The following FBXL17 variants were observed in gnomAD, a reference collection of about 807,000 sequenced individuals.
FBXL17 encodes F-box/LRR-repeat protein 17.
In FBXL17, 22 loss-of-function variants were observed where a neutral mutation model predicts 66.2. That is an observed-to-expected ratio of 0.33 (90% confidence interval 0.24 to 0.47). The LOEUF (loss-of-function observed/expected upper bound fraction) is 0.47, where lower values mean the gene tolerates loss of function less well. FBXL17 is among the 20% of genes least tolerant of loss of function. FBXL17 has a pLI of 1.00. For synonymous variants in FBXL17, 474 were observed against 400.5 expected (o/e 1.18, Z -2.19); for missense variants, 878 against 948.2 (o/e 0.93, Z 0.97).
intron 7 of FBXL17, among the ~76,000 whole-genome samples, chr5:107,906,880 A>G (rs1749780144): frequency 6.6e-6 from 1 of 152,206 alleles, no homozygotes; most frequent in African/African-American, 2.4e-5. Context: ...AGCTTATAAT[A>G]CTACTGTTAC....
intron 4 of FBXL17, among the ~76,000 whole-genome samples, chr5:108,340,450 CAAAAT>C (rs972585471): frequency 2.1e-5 from 3 of 145,316 alleles, no homozygotes; most frequent in African/African-American, 5.1e-5. Flanking sequence ...ACCACTTAAA[CAAAAT>C]AAAACCGATT....
At chr5:108,224,418 C>T (rs2150076600) in intron 4 of FBXL17, among the ~76,000 whole-genome samples, 190 bp from the exon 5 acceptor site, 1 of 151,984 alleles carries the variant, frequency 6.6e-6, no homozygotes, top group Non-Finnish European at 1.5e-5. Context: ...ACCCTACATC[C>T]ACTTCTTATC....
chr5:108,198,768 T>C (rs1753777320), intron 5 of FBXL17, among the ~76,000 whole-genome samples: 1 of 152,194 alleles, frequency 6.6e-6, no homozygotes. Flanking sequence ...CTGACTTCTG[T>C]AATTATACTC....
chr5:108,033,862 CTT>C (rs1329803624), intron 6 of FBXL17, among the ~76,000 whole-genome samples: 1 of 152,052 alleles, frequency 6.6e-6, no homozygotes, highest in Non-Finnish European at 1.5e-5. Context: ...CAATTCTACT[CTT>C]ATTATTTTTC....
intron 7 of FBXL17, among the ~76,000 whole-genome samples, chr5:108,002,496 T>G (rs1753772375): frequency 6.6e-6 from 1 of 152,148 alleles, no homozygotes; most frequent in African/African-American, 2.4e-5. Context: ...AGAAAAAACT[T>G]ATGATGCTTC....
chr5:108,220,637 A>C (rs1754821333), intron 5 of FBXL17, among the ~76,000 whole-genome samples: 1 of 152,086 alleles, frequency 6.6e-6, no homozygotes, highest in South Asian at 2.1e-4. Context: ...TTCATTGCAG[A>C]ATCTTCCTTT....
At chr5:108,295,009 T>C (rs1012854501) in intron 4 of FBXL17, among the ~76,000 whole-genome samples, 1 of 152,040 alleles carries the variant, frequency 6.6e-6, no homozygotes, top group Non-Finnish European at 1.5e-5. Flanking sequence ...ACAGTATTTA[T>C]ATTCCTAAAA....
intron 6 of FBXL17, among the ~76,000 whole-genome samples, chr5:108,041,828 C>T (rs545101283): frequency 1.1e-4 from 17 of 152,278 alleles, no homozygotes; most frequent in South Asian, 4.1e-4. Flanking sequence ...CACCATTATA[C>T]CTACCACCTA....
In FBXL17 at chr5:108,149,342, T is replaced by C. The variant is rs184837448; in HGVS notation, c.1745+36775A>G. ...AAACTACAATTTATCATTACATACA[T>C]TTAGAGAAATTATCTGTCATTTGAA... On this transcript the variant is annotated intron_variant, in intron 6 of 8. Transcript: ENST00000542267. Among the ~76,000 whole-genome samples, 6 of 152,364 alleles carry C rather than the reference T, an allele frequency of 3.9e-5. No individual in the cohort carries two copies. In the East Asian group the frequency reaches 1.2e-3, roughly 29 times the overall value.
At chr5:107,985,973 T>C (rs975648263) in intron 7 of FBXL17, among the ~76,000 whole-genome samples, 7 of 152,132 alleles carry the variant, frequency 4.6e-5, no homozygotes, top group African/African-American at 1.4e-4. Context: ...CTATTGTCAA[T>C]GTTTGAAAAA....
At chr5:108,007,665 T>G (rs568548298) in intron 7 of FBXL17, among the ~76,000 whole-genome samples, 221 of 152,300 alleles carry the variant, frequency 1.5e-3, no homozygotes, top group Middle Eastern at 6.8e-3. Context: ...GTATGTAGGC[T>G]ACTAAATATC....
chr5:107,914,345 T>C (rs751785095), intron 7 of FBXL17, among the ~76,000 whole-genome samples: 7 of 152,318 alleles, frequency 4.6e-5, no homozygotes, highest in African/African-American at 1.7e-4. Context: ...TTATGAGTTC[T>C]CTCTGCTGAA....
chr5:108,294,043 CAAAAAAAAA>C lies in FBXL17; in HGVS notation c.1506+54347_1506+54355del, dbSNP rs71624893. On this transcript the variant is annotated intron_variant, in intron 4 of 8. Transcript: ENST00000542267. ...GAGACAGAGCGAGACTCTTGTCTCACAAAAAAAAAAAAAAAAAAAAAAAGGAGAAGTAAT... is the reference window on the plus strand; with the variant it reads ...GAGACAGAGCGAGACTCTTGTCTCACAAAAAAAAAAAAAAGGAGAAGTAAT... Among the ~76,000 whole-genome samples, 11 of 51,126 alleles carry C rather than the reference CAAAAAAAAA, an allele frequency of 2.2e-4. No individual in the cohort carries two copies. The Admixed American group carries it at 3.5e-3, about 16-fold the overall frequency. The allele number at this position is 51,126 out of a possible 152,430, so 33.5% of individuals were successfully genotyped here.
intron 7 of FBXL17, among the ~76,000 whole-genome samples, chr5:107,967,680 TA>T (rs538448000): frequency 5.9e-4 from 85 of 143,032 alleles, no homozygotes; most frequent in Admixed American, 1.2e-3. Flanking sequence ...TAAAGTATAA[TA>T]AAAAAAAAAG....
intron 6 of FBXL17, among the ~76,000 whole-genome samples, chr5:108,076,168 C>T (rs1748538169): frequency 6.6e-6 from 1 of 152,094 alleles, no homozygotes; most frequent in Admixed American, 6.5e-5. Context: ...TTTCTCATAC[C>T]TGCTTAATTT....
chr5:107,980,038 C>G (rs1261041547), intron 7 of FBXL17, among the ~76,000 whole-genome samples: 2 of 151,940 alleles, frequency 1.3e-5, no homozygotes, highest in Non-Finnish European at 2.9e-5. Flanking sequence ...TTGAAATAGA[C>G]CAAGAAGTGT....
chr5:108,132,966 T>G (rs567484095), intron 6 of FBXL17, among the ~76,000 whole-genome samples: 4 of 152,068 alleles, frequency 2.6e-5, no homozygotes, highest in East Asian at 3.9e-4. Context: ...ATGGGAAAAA[T>G]AAGAATTTTA....
chr5:108,381,396 T>G lies in FBXL17; in HGVS notation c.296A>C (p.His99Pro). The change falls in exon 1 of 9, where the codon CAC (histidine) becomes CCC (proline). Residue 99 changes from histidine to proline, a missense_variant. By Grantham distance (77) the His-to-Pro change is moderately conservative (BLOSUM62 -2). Transcript: ENST00000542267. ...GAYAAASSSQ[H>P]LARRYAALAA... Reference sequence around the variant, plus strand: ...CAGGGCCGCGTAGCGCCGCGCCAGGTGCTGAGAGGAGGAGGCGGCAGCGTA... The same window carrying G: ...CAGGGCCGCGTAGCGCCGCGCCAGGGGCTGAGAGGAGGAGGCGGCAGCGTA... 2 of 1,325,172 alleles carry G rather than the reference T, an allele frequency of 1.5e-6. No homozygotes were observed. Among genetic ancestry groups the G allele is most frequent in the Non-Finnish European group, 1.9e-6 (2 of 1,046,992 alleles). The allele number at this position is 1,325,172 out of a possible 1,614,324, so 82.1% of individuals were successfully genotyped here.
chr5:108,363,785 A>G (rs1489912921), intron 3 of FBXL17, among the ~76,000 whole-genome samples: 1 of 152,004 alleles, frequency 6.6e-6, no homozygotes, highest in Non-Finnish European at 1.5e-5. Context: ...AGTTCTTAAT[A>G]CATACACCTT....
Sources: allele counts gnomAD v4.1 joint callset (sites outside exome capture counted in the v4.1 genomes callset), GRCh38; gene constraint gnomAD v4.1.1; transcripts MANE v1.5; gene names NCBI Gene and HGNC (gene_info 2026-07-23, HGNC 2026-07-21).